The following FAM178B variants were observed in gnomAD, a reference collection of about 807,000 sequenced individuals.
FAM178B encodes the protein protein FAM178B.
Under a neutral mutation model 91.7 loss-of-function variants are expected in FAM178B, and 82 were observed. The observed-to-expected ratio is 0.89, with a 90% CI of 0.75 to 1.07. The LOEUF is 1.07. Among genes scored for constraint, FAM178B ranks in the 50% least tolerant of loss-of-function variants. The pLI is 0.00. For synonymous variants in FAM178B, 368 were observed against 359.4 expected, an observed-to-expected ratio of 1.02 and a Z score of -0.27; for missense variants, 769 against 846.7, an observed-to-expected ratio of 0.91 and a Z score of 1.14.
chr2:96,913,584 T>C (rs997895529), intron 12 of FAM178B, among the ~76,000 whole-genome samples: 3 of 152,200 alleles, frequency 2.0e-5, no homozygotes, highest in Admixed American at 6.5e-5. Flanking sequence ...TTATCCCCAG[T>C]GCGCAAGGAC....
At chr2:96,908,213 C>T (rs10179546) in intron 12 of FAM178B, among the ~76,000 whole-genome samples, 9 of 152,088 alleles carry the variant, frequency 5.9e-5, no homozygotes, top group African/African-American at 1.9e-4. Flanking sequence ...AGAGTGTGGA[C>T]GGGAATAGAC....
chr2:96,967,909 G>GTTTTTTTTTTTTTTTTT (rs1318481195), intron 4 of FAM178B, among the ~76,000 whole-genome samples: 1 of 40,226 alleles, frequency 2.5e-5, no homozygotes, highest in Non-Finnish European at 1.0e-4. Context: ...ACCCTGTTTG[G>GTTTTTTTTTTTTTTTTT]TCTTTTTTTT....
chr2:96,910,608 T>C (rs905298357), intron 12 of FAM178B, among the ~76,000 whole-genome samples: 1 of 151,822 alleles, frequency 6.6e-6, no homozygotes, highest in African/African-American at 2.4e-5. Context: ...CTCCCGCTGG[T>C]CCACGCCGTT....
intron 6 of FAM178B, among the ~76,000 whole-genome samples, chr2:96,953,796 C>T (rs1216029976): frequency 6.6e-6 from 1 of 152,208 alleles, no homozygotes; most frequent in African/African-American, 2.4e-5. Context: ...AGCCACAAGC[C>T]CTTCCACGCC....
At chr2:96,945,492 C>A (rs1436563849) in intron 8 of FAM178B, among the ~76,000 whole-genome samples, 2 of 152,178 alleles carry the variant, frequency 1.3e-5, no homozygotes, top group Non-Finnish European at 2.9e-5. Context: ...AGTTTACACA[C>A]AAACAAATCT....
At chr2:96,878,096 CA>C in intron 15 of FAM178B, 54 bp from the exon 16 acceptor site, 2 of 1,582,382 alleles carry the variant, frequency 1.3e-6, no homozygotes, top group Non-Finnish European at 1.7e-6. Context: ...CAGGCACATC[CA>C]AAGCCGGGCA....
At chr2:96,964,433 C>T (rs2082119487) in intron 5 of FAM178B, among the ~76,000 whole-genome samples, 1 of 152,054 alleles carries the variant, frequency 6.6e-6, no homozygotes, top group Admixed American at 6.6e-5. Context: ...TAAATAATAC[C>T]TCGGCCAGGC....
chr2:96,928,205 A>G (rs2081478782), intron 9 of FAM178B, among the ~76,000 whole-genome samples: 1 of 152,210 alleles, frequency 6.6e-6, no homozygotes, highest in African/African-American at 2.4e-5. Flanking sequence ...ACGGATTGTC[A>G]GCGGGAAGCA....
intron 8 of FAM178B, among the ~76,000 whole-genome samples, chr2:96,938,770 C>T (rs1158386569): frequency 6.6e-6 from 1 of 152,276 alleles, no homozygotes; most frequent in African/African-American, 2.4e-5. Context: ...TCAAAGAACC[C>T]ACCATCAACT....
chr2:96,977,397 A>G (rs2082304935), intron 1 of FAM178B, among the ~76,000 whole-genome samples: 1 of 149,980 alleles, frequency 6.7e-6, no homozygotes, highest in Admixed American at 6.6e-5. Context: ...AAAAAAAAAA[A>G]AAAAAAGAAA....
chr2:96,950,662 C>T (rs771884708), intron 7 of FAM178B, among the ~76,000 whole-genome samples: 4 of 152,198 alleles, frequency 2.6e-5, no homozygotes, highest in Admixed American at 6.5e-5. Context: ...CAGATCACAG[C>T]GGTTGGCTCC....
intron 1 of FAM178B, chr2:96,977,675 C>T (rs2082309226): frequency 2.7e-6 from 1 of 365,988 alleles, no homozygotes; most frequent in South Asian, 2.1e-5. Flanking sequence ...GAATTCCATA[C>T]AGCAAAGGCT....
Position 96,893,980 on chromosome 2 carries a change from G to C in FAM178B, c.1722C>G (p.Pro574=). 1 of 1,612,920 alleles carries C rather than the reference G, an allele frequency of 6.2e-7. No individual in the cohort carries two copies. The highest frequency in any genetic ancestry group is 2.2e-5 in the East Asian group (1 of 44,836). ...SSLRQYLDSV[P]LPPCQEQQPK... ...GCTGTTGCTCCTGGCAGGGTGGCAA[G>C]GGCACAGAGTCCAGGTATTGCCTGA... The change falls in exon 14 of 17, where the codon CCC becomes CCG. Residue 574 remains proline (P), a synonymous_variant. Transcript: ENST00000490605.
chr2:96,901,053 T>A (rs750554981), intron 13 of FAM178B, among the ~76,000 whole-genome samples: 1 of 152,084 alleles, frequency 6.6e-6, no homozygotes, highest in Non-Finnish European at 1.5e-5. Flanking sequence ...CTTCCATCCA[T>A]CCTTGGGCTG....
At chr2:96,878,676 T>C (rs1559044775) in intron 14 of FAM178B, among the ~76,000 whole-genome samples, 183 bp from the exon 15 acceptor site, 1 of 152,210 alleles carries the variant, frequency 6.6e-6, no homozygotes, top group Non-Finnish European at 1.5e-5. Flanking sequence ...AGCCAGGCTC[T>C]GGGCTGGCAC....
intron 12 of FAM178B, among the ~76,000 whole-genome samples, chr2:96,905,531 T>A (rs1214048749): frequency 7.1e-6 from 1 of 139,986 alleles, no homozygotes; most frequent in African/African-American, 2.7e-5. Flanking sequence ...TACTCAAGCC[T>A]GGGCGACAGA....
chr2:96,964,520 C>A (rs2082120367), intron 5 of FAM178B, among the ~76,000 whole-genome samples: 1 of 152,130 alleles, frequency 6.6e-6, no homozygotes, highest in African/African-American at 2.4e-5. Context: ...ACAGCTGGGG[C>A]CACCTCCTCC....
chr2:96,912,562 C>T (rs560656462), intron 12 of FAM178B, among the ~76,000 whole-genome samples: 25 of 152,210 alleles, frequency 1.6e-4, no homozygotes, highest in Non-Finnish European at 2.6e-4. Flanking sequence ...TCCCTGGTGA[C>T]GGAGCAGCTT....
At chr2:96,933,375 G>T (rs1237543482) in intron 8 of FAM178B, among the ~76,000 whole-genome samples, 1 of 152,132 alleles carries the variant, frequency 6.6e-6, no homozygotes, top group Non-Finnish European at 1.5e-5. Context: ...CTGACACTTG[G>T]GGGTATGGGG....
Sources: allele counts gnomAD v4.1 joint callset (sites outside exome capture counted in the v4.1 genomes callset), GRCh38; gene constraint gnomAD v4.1.1; transcripts MANE v1.5; gene names NCBI Gene and HGNC (gene_info 2026-07-23, HGNC 2026-07-21).